Variants in SH3GL1 observed in about 807,000 individuals in gnomAD.
SH3GL1 encodes the protein SH3 domain containing GRB2 like 1, endophilin A2, also known as endophilin-A2.
A neutral mutation model predicts 48.8 loss-of-function variants in SH3GL1; 21 were observed. The ratio of observed to expected loss-of-function variants is 0.43; its 90% confidence interval spans 0.30 to 0.62. The LOEUF is 0.62. SH3GL1 is among the 20% of genes least tolerant of loss of function. The pLI, the probability that SH3GL1 is intolerant of heterozygous loss-of-function variation, is 0.11. For synonymous variants in SH3GL1, 282 were observed against 217.5 expected (o/e 1.30, Z -2.61); for missense variants, 454 against 503.0 (o/e 0.90, Z 0.93).
At chr19:4,381,184 CT>C (rs1238701763) in intron 1 of SH3GL1, among the ~76,000 whole-genome samples, 1 of 138,670 alleles carries the variant, frequency 7.2e-6, no homozygotes, top group Non-Finnish European at 1.6e-5. Flanking sequence ...CTCTGTCCCC[CT>C]GCCTCTCTCT....
intron 1 of SH3GL1, among the ~76,000 whole-genome samples, chr19:4,393,985 T>A (rs1384542220): frequency 1.3e-5 from 2 of 151,516 alleles, no homozygotes; most frequent in Non-Finnish European, 2.9e-5. Flanking sequence ...CCTCTCCTTT[T>A]CTCCTAGGCA....
At chr19:4,390,631 C>G (rs1261314140) in intron 1 of SH3GL1, 1 of 152,310 alleles carries the variant, frequency 6.6e-6, no homozygotes. Flanking sequence ...GAAAAAGAAC[C>G]AGAAGAGACC....
intron 1 of SH3GL1, among the ~76,000 whole-genome samples, chr19:4,392,779 TAAAAA>T (rs1973361515): frequency 6.6e-6 from 1 of 151,826 alleles, no homozygotes; most frequent in African/African-American, 2.4e-5. Flanking sequence ...CCGTTTCTAC[TAAAAA>T]TACAAAAATT....
At chr19:4,385,555 T>C (rs1218353981) in intron 1 of SH3GL1, among the ~76,000 whole-genome samples, 2 of 152,118 alleles carry the variant, frequency 1.3e-5, no homozygotes, top group South Asian at 4.1e-4. Context: ...CCAGCAGCAC[T>C]CTTTCCTTCC....
chr19:4,397,987 C>T (rs1973454615), intron 1 of SH3GL1, among the ~76,000 whole-genome samples: 1 of 152,112 alleles, frequency 6.6e-6, no homozygotes, highest in African/African-American at 2.4e-5. Context: ...GCTGGGACTG[C>T]AGGTGCACAT....
chr19:4,381,116 C>G (rs1223546145), intron 1 of SH3GL1, among the ~76,000 whole-genome samples: 1 of 115,478 alleles, frequency 8.7e-6, no homozygotes, highest in Non-Finnish European at 1.8e-5. Flanking sequence ...CCTCTGTCCC[C>G]CTGCCTCTCT....
intron 1 of SH3GL1, among the ~76,000 whole-genome samples, chr19:4,387,276 G>A (rs1204110837): frequency 6.6e-6 from 1 of 151,556 alleles, no homozygotes; most frequent in Non-Finnish European, 1.5e-5. Context: ...GGAACTTCCA[G>A]GTGGGCACTA....
intron 1 of SH3GL1, among the ~76,000 whole-genome samples, chr19:4,378,605 C>T (rs1024855795): frequency 1.3e-5 from 2 of 152,112 alleles, no homozygotes; most frequent in Non-Finnish European, 2.9e-5. Flanking sequence ...ATCCCAGCTA[C>T]TTGGGAGGCT....
intron 4 of SH3GL1, among the ~76,000 whole-genome samples, chr19:4,365,169 C>T (rs1054133497): frequency 6.6e-6 from 1 of 152,056 alleles, no homozygotes; most frequent in Non-Finnish European, 1.5e-5. Context: ...TAAACCAGAC[C>T]CTCCAATGCT....
intron 4 of SH3GL1, 48 bp from the exon 5 acceptor site, chr19:4,364,269 T>C: frequency 1.9e-6 from 3 of 1,611,286 alleles, no homozygotes; most frequent in Non-Finnish European, 2.5e-6. Context: ...CTGGGACCAC[T>C]AGACTGAGAC....
At chr19:4,368,140 C>T (rs1432322257) in intron 1 of SH3GL1, among the ~76,000 whole-genome samples, 2 of 152,228 alleles carry the variant, frequency 1.3e-5, no homozygotes, top group Non-Finnish European at 2.9e-5. Flanking sequence ...TGAGGTGTTG[C>T]GTGCCGTGGG....
intron 1 of SH3GL1, among the ~76,000 whole-genome samples, chr19:4,382,253 CTTTTTTTTTTT>C (rs34085741): frequency 2.0e-5 from 2 of 102,350 alleles, no homozygotes; most frequent in African/African-American, 7.3e-5. Flanking sequence ...GCTCCGCTTT[CTTTTTTTTTTT>C]TTTTTTTTTT....
chr19:4,388,755 G>A (rs1026050064), intron 1 of SH3GL1, among the ~76,000 whole-genome samples: 1 of 152,218 alleles, frequency 6.6e-6, no homozygotes, highest in African/African-American at 2.4e-5. Context: ...CGATCAAGGG[G>A]GGAAGCAGGC....
intron 1 of SH3GL1, among the ~76,000 whole-genome samples, chr19:4,370,388 C>T (rs913408474): frequency 1.3e-5 from 2 of 152,224 alleles, no homozygotes; most frequent in Non-Finnish European, 2.9e-5. Context: ...CTCCTGTTCC[C>T]ACCCCGCATG....
chr19:4,363,919 G>C (rs1284428674), intron 5 of SH3GL1, 41 bp from the exon 6 acceptor site: 6 of 1,611,002 alleles, frequency 3.7e-6, no homozygotes, highest in Non-Finnish European at 5.1e-6. Context: ...GTAGCGGCCA[G>C]AGGGCCGCCC....
At chr19:4,368,486 G>C (rs1424625862) in intron 1 of SH3GL1, among the ~76,000 whole-genome samples, 11 of 152,232 alleles carry the variant, frequency 7.2e-5, no homozygotes, top group Non-Finnish European at 1.6e-4. Context: ...GCAAAAGGTA[G>C]CCTGCCCGGA....
Position 4,361,544 on chromosome 19 carries a change from C to CCCTG in SH3GL1, c.*55_*56insCAGG. 1 of 1,379,890 alleles carries CCCTG rather than the reference C, an allele frequency of 7.2e-7. No homozygotes were observed. The highest frequency in any genetic ancestry group is 1.0e-6 in the Non-Finnish European group (1 of 1,003,194). The allele number at this position is 1,379,890 out of a possible 1,614,324, so 85.5% of individuals were successfully genotyped here. On this transcript the variant is annotated 3_prime_UTR_variant, in exon 10 of 10. Transcript: ENST00000269886. ...AGGGGCTCCGTGGAATGCAGGAGAC[C>CCCTG]CAGCAGGGGGTGCCGGCCAGTGTGG... is the stretch of plus-strand genomic sequence containing the variant.
chr19:4,372,816 C>T (rs1179710091), intron 1 of SH3GL1, among the ~76,000 whole-genome samples: 3 of 152,208 alleles, frequency 2.0e-5, no homozygotes, highest in African/African-American at 4.8e-5. Context: ...CATGTGGGCT[C>T]CCAGGCTCCT....
At chr19:4,362,018 C>G (rs370615254) in intron 9 of SH3GL1, among the ~76,000 whole-genome samples, 276 of 152,256 alleles carry the variant, frequency 1.8e-3, no homozygotes, top group African/African-American at 6.4e-3. Flanking sequence ...CAAAGCTACT[C>G]CTGGGAAGTG....
Sources: allele counts gnomAD v4.1 joint callset (sites outside exome capture counted in the v4.1 genomes callset), GRCh38; gene constraint gnomAD v4.1.1; transcripts MANE v1.5; gene names NCBI Gene and HGNC (gene_info 2026-07-23, HGNC 2026-07-21).